SAR1B: variants seen among roughly 807,000 people sequenced by gnomAD.
The protein encoded by SAR1B is small COPII coat GTPase SAR1B.
A neutral mutation model predicts 26.8 loss-of-function variants in SAR1B; 23 were observed. That is an observed-to-expected ratio of 0.86 (90% CI 0.62 to 1.22). The LOEUF (loss-of-function observed/expected upper bound fraction) is 1.22, where lower values mean the gene tolerates loss of function less well. SAR1B is among the 50% of genes most tolerant of loss of function. The pLI, the probability that SAR1B is intolerant of heterozygous loss-of-function variation, is 0.00. For missense variants in SAR1B, 196 were observed against 232.8 expected (o/e 0.84, Z 1.03); for synonymous variants, 65 against 80.8 (o/e 0.80, Z 1.05).
At position 134,606,078 on chromosome 5, in the gene SAR1B, TG is replaced by T. The variant is rs1407812909; in HGVS notation, c.*871del. Reference sequence around the variant, plus strand: ...GCACTTCAGAATTAGACAGCTGGGATGGAACTATAGAGCCTACCAAACTGAG... The same window carrying T: ...GCACTTCAGAATTAGACAGCTGGGATGAACTATAGAGCCTACCAAACTGAG... On this transcript the variant is annotated 3_prime_UTR_variant, in exon 7 of 7. Transcript: ENST00000402673. The T allele has an allele frequency of 1.3e-5, 2 of 152,228 alleles. No individual in the cohort carries two copies. Among genetic ancestry groups the T allele is most frequent in the East Asian group, 3.8e-4 (2 of 5,198 alleles). The allele number at this position is 152,228 out of a possible 1,614,324, so 9.4% of individuals were successfully genotyped here. A position where few individuals can be genotyped will look rare whatever the true frequency, so the allele number is the denominator to read the frequency against.
chr5:134,606,510 C>A lies in SAR1B; in HGVS notation c.*440G>T. On this transcript the variant is annotated 3_prime_UTR_variant, in exon 7 of 7. Transcript: ENST00000402673. ...TGAAAACTGTAAGGCATCATGCAATCATTGAATAAGCTAATTATTAACTGT... is the reference window on the plus strand; with the variant it reads ...TGAAAACTGTAAGGCATCATGCAATAATTGAATAAGCTAATTATTAACTGT... The A allele has an allele frequency of 5.5e-6, 1 of 182,144 alleles. No homozygotes were observed. The highest frequency in any genetic ancestry group is 1.1e-4 in the South Asian group (1 of 9,420). The allele number at this position is 182,144 out of a possible 1,614,324, so 11.3% of individuals were successfully genotyped here.
rs1195726868 is a variant in SAR1B, at chr5:134,612,262, T to C, written c.244+429A>G. Among the ~76,000 whole-genome samples the C allele has an allele frequency of 4.6e-5, 7 of 152,126 alleles. 1 individual carries two copies. The highest frequency in any genetic ancestry group is 1.7e-4 in the African/African-American group (7 of 41,436). On this transcript the variant is annotated intron_variant, in intron 4 of 6. Coordinates refer to ENST00000402673, the MANE Select transcript of SAR1B (RefSeq NM_016103.4). ...CTTTACCACCAAAAGCAATTCTCAT[T>C]TGAATTGGCCAGAAGTATCATGAAA...
At position 134,609,692 on chromosome 5, in the gene SAR1B, G is replaced by C. The variant is rs1765182639; in HGVS notation, c.245-18C>G. On this transcript the variant is annotated intron_variant, in intron 4 of 6. Transcript: ENST00000402673. ...TCTTCGAGCTAACAAAAACAATCAG[G>C]GGTTAGAGTTTACTTGTTGGTCAAA... 6.2e-7 allele frequency: 1 copy of C among 1,602,946 alleles called. No homozygotes were observed. The highest frequency in any genetic ancestry group is 1.1e-5 in the South Asian group (1 of 90,880).
Position 134,612,684 on chromosome 5 carries a change from A to ATCTTACC in SAR1B, c.244_244+6dup. On this transcript the variant is annotated splice_region_variant and intron_variant, in intron 4 of 6. Transcript: ENST00000402673. ...AAAAAAAAAAAAAAAAAAAAAAAGA[A>ATCTTACC]TCTTACCTTGAACATGTCCACCCAG... is the stretch of plus-strand genomic sequence containing the variant. The ATCTTACC allele has an allele frequency of 9.8e-7, 1 of 1,017,754 alleles. No individual in the cohort carries two copies. The highest frequency in any genetic ancestry group is 1.7e-5 in the South Asian group (1 of 60,142). 63.0% of individuals were successfully genotyped at this position (1,017,754 alleles called of 1,614,324 possible). A position where few individuals can be genotyped will look rare whatever the true frequency, so the allele number is the denominator to read the frequency against.
chr5:134,614,236 C>G (rs999605975), intron 3 of SAR1B: 1 of 152,178 alleles, frequency 6.6e-6, no homozygotes, highest in African/African-American at 2.4e-5. Context: ...GTTATATCTT[C>G]CATTTCTTTC....
intron 4 of SAR1B, among the ~76,000 whole-genome samples, chr5:134,610,632 G>A (rs1765197644): frequency 6.7e-6 from 1 of 150,078 alleles, no homozygotes; most frequent in Non-Finnish European, 1.5e-5. Context: ...CAGCTACTTG[G>A]GAGGCTGAGG....
chr5:134,627,851 C>T (rs562754782), intron 1 of SAR1B, among the ~76,000 whole-genome samples: 7 of 140,386 alleles, frequency 5.0e-5, no homozygotes, highest in East Asian at 4.8e-4. Context: ...TAAAACCACA[C>T]ATTAAGGGCC....
At chr5:134,627,938 G>C (rs1043005261) in intron 1 of SAR1B, among the ~76,000 whole-genome samples, 1 of 151,870 alleles carries the variant, frequency 6.6e-6, no homozygotes, top group Non-Finnish European at 1.5e-5. Flanking sequence ...TCGGGAGTTC[G>C]AGACCAGCCT....
Position 134,607,045 on chromosome 5 carries a change from G to C in SAR1B, c.502C>G (p.Leu168Val). 1 of 1,613,192 alleles carries C rather than the reference G, an allele frequency of 6.2e-7. No homozygotes were observed. Among genetic ancestry groups the C allele is most frequent in the Non-Finnish European group, 8.5e-7 (1 of 1,179,178 alleles). ...AAAACTTCTAAGGGTCGGGCATTCA[G>C]TTCTTTCAGAGATATACTCCCCTAG... is the stretch of plus-strand genomic sequence containing the variant. ...TGKGSISLKE[L>V]NARPLEVFMC... is the part of the protein sequence containing the mutation. Residue 168 changes from leucine (L) to valine (V), a missense_variant, in exon 7 of 7, where the codon CTG becomes GTG. Physicochemically the swap from Leu to Val is conservative, Grantham distance 32. Transcript: ENST00000402673.
rs1765121192 is a variant in SAR1B, at chr5:134,605,992, G to C, written c.*958C>G. The C allele has an allele frequency of 1.3e-5, 2 of 152,200 alleles. No homozygotes were observed. The highest frequency in any genetic ancestry group is 2.9e-5 in the Non-Finnish European group (2 of 68,042). The allele number at this position is 152,200 out of a possible 1,614,324, so 9.4% of individuals were successfully genotyped here. A position where few individuals can be genotyped will look rare whatever the true frequency, so the allele number is the denominator to read the frequency against. ...TATATCTAAATGTGGAGACACTGGT[G>C]CCTGTCATTGCTTTTGGGGAAGAGG... On this transcript the variant is annotated 3_prime_UTR_variant, in exon 7 of 7. Coordinates refer to ENST00000402673, the MANE Select transcript of SAR1B (RefSeq NM_016103.4).
At position 134,606,936 on chromosome 5, in the gene SAR1B, A is replaced by G; in HGVS notation, c.*14T>C. 1 of 1,548,388 alleles carries G rather than the reference A, an allele frequency of 6.5e-7. No homozygotes were observed. Among genetic ancestry groups the G allele is most frequent in the Non-Finnish European group, 8.9e-7 (1 of 1,120,060 alleles). ...AGCCTGAACGTTGAGACCTGGAACC[A>G]ATGTGAGTTTGTGTTAATCAATGTA... is the stretch of plus-strand genomic sequence containing the variant. On this transcript the variant is annotated 3_prime_UTR_variant, in exon 7 of 7. Transcript: ENST00000402673.
chr5:134,622,305 G>A (rs1474940835), intron 2 of SAR1B, among the ~76,000 whole-genome samples: 2 of 151,698 alleles, frequency 1.3e-5, no homozygotes, highest in Non-Finnish European at 2.9e-5. Flanking sequence ...TACTATGAGT[G>A]TCACGAAAAA....
Position 134,612,680 on chromosome 5 carries a change from A to AAAAAAATAAAAAAT in SAR1B, c.244+10_244+11insATTTTTTATTTTTT. The AAAAAAATAAAAAAT allele has an allele frequency of 9.6e-7, 1 of 1,043,436 alleles. No individual in the cohort carries two copies. The highest frequency in any genetic ancestry group is 1.3e-6 in the Non-Finnish European group (1 of 760,640). The allele number at this position is 1,043,436 out of a possible 1,614,324, so 64.6% of individuals were successfully genotyped here. A position where few individuals can be genotyped will look rare whatever the true frequency, so the allele number is the denominator to read the frequency against. On this transcript the variant is annotated intron_variant, in intron 4 of 6. Transcript: ENST00000402673. ...AAAAAAAAAAAAAAAAAAAAAAAAA[A>AAAAAAATAAAAAAT]AGAATCTTACCTTGAACATGTCCAC...
At chr5:134,619,343 A>T (rs1765365426) in intron 3 of SAR1B, among the ~76,000 whole-genome samples, 2 of 147,076 alleles carry the variant, frequency 1.4e-5, no homozygotes, top group South Asian at 4.4e-4. Context: ...AAAAAAAAAA[A>T]CTTTCAATTT....
intron 4 of SAR1B, 111 bp downstream of exon 4, chr5:134,612,580 G>A (rs1416844687): frequency 9.4e-7 from 1 of 1,060,660 alleles, no homozygotes; most frequent in African/African-American, 1.8e-5. Flanking sequence ...AGGAGGCAGA[G>A]GTTGCAGTGA....
intron 5 of SAR1B, 137 bp downstream of exon 5, chr5:134,609,434 T>C (rs1460883506): frequency 5.5e-6 from 4 of 721,342 alleles, no homozygotes; most frequent in African/African-American, 1.7e-5. Context: ...CTTAAAGCAA[T>C]CACTGAGCTC....
chr5:134,622,706 G>A (rs572733418), intron 2 of SAR1B, among the ~76,000 whole-genome samples: 24 of 150,158 alleles, frequency 1.6e-4, no homozygotes, highest in Non-Finnish European at 3.0e-4. Context: ...CACCGCGCCC[G>A]GCCTTAACTA....
At chr5:134,608,641 C>T in intron 5 of SAR1B, 138 bp from the exon 6 acceptor site, 2 of 937,938 alleles carry the variant, frequency 2.1e-6, no homozygotes, top group Non-Finnish European at 3.3e-6. Context: ...ACTTTCCCCA[C>T]ATTTTAAAGT....
At position 134,615,555 on chromosome 5, in the gene SAR1B, C is replaced by T. The variant is rs1177050598; in HGVS notation, c.179-2799G>A. Reference sequence around the variant, plus strand: ...TCTGGGCCGGGGGCGGTGGCTCACGCCTGTAATCCCAGCACTTTGGGAGGC... The same window carrying T: ...TCTGGGCCGGGGGCGGTGGCTCACGTCTGTAATCCCAGCACTTTGGGAGGC... On this transcript the variant is annotated intron_variant, in intron 3 of 6. Coordinates refer to ENST00000402673, the MANE Select transcript of SAR1B (RefSeq NM_016103.4). 3.3e-5 allele frequency among the ~76,000 whole-genome samples: 5 copies of T among 151,756 alleles called. No homozygotes were observed. The East Asian group carries it at 9.8e-4, about 30-fold the overall frequency.
Sources: gnomAD v4.1 joint callset for allele counts (sites outside exome capture counted in the v4.1 genomes callset) on GRCh38, gnomAD v4.1.1 for gene constraint, MANE v1.5 for transcripts, NCBI Gene and HGNC (gene_info 2026-07-23, HGNC 2026-07-21) for gene names.